MRPL12: variants seen among roughly 807,000 people sequenced by gnomAD.
MRPL12 encodes the protein large ribosomal subunit protein bL12m.
In MRPL12, 13 loss-of-function variants were observed where a neutral mutation model predicts 21.1. The observed-to-expected ratio is 0.62, with a 90% CI of 0.40 to 0.98. The LOEUF (loss-of-function observed/expected upper bound fraction) is 0.98, where lower values mean the gene tolerates loss of function less well. Among genes scored for constraint, MRPL12 ranks in the 50% least tolerant of loss-of-function variants. The pLI is 0.00. For missense variants in MRPL12, 251 were observed against 268.6 expected, an observed-to-expected ratio of 0.93 and a Z score of 0.46; for synonymous variants, 126 against 115.3, an observed-to-expected ratio of 1.09 and a Z score of -0.60.
At chr17:81,706,131 T>C (rs1036514725) in intron 3 of MRPL12, among the ~76,000 whole-genome samples, 5 of 152,142 alleles carry the variant, frequency 3.3e-5, no homozygotes, top group African/African-American at 1.2e-4. Context: ...TGCACTGCAG[T>C]GTGGCTGAGA....
chr17:81,705,552 G>A (rs889860695), intron 3 of MRPL12, among the ~76,000 whole-genome samples: 3 of 152,190 alleles, frequency 2.0e-5, no homozygotes, highest in East Asian at 1.9e-4. Context: ...GTAGAAGAGA[G>A]CACGGCCTTC....
intron 3 of MRPL12, 44 bp from the exon 4 acceptor site, chr17:81,706,862 C>T (rs747993922): frequency 6.2e-7 from 1 of 1,606,164 alleles, no homozygotes; most frequent in Non-Finnish European, 8.5e-7. Flanking sequence ...TTAGCTCCCC[C>T]CAGCCCTTTG....
chr17:81,703,698 T>TG (rs2037280313), intron 1 of MRPL12, 123 bp downstream of exon 1: 1 of 959,394 alleles, frequency 1.0e-6, no homozygotes. Flanking sequence ...AGGCCGGGCT[T>TG]GGGGGTCCCA....
chr17:81,704,336 C>T lies in MRPL12; in HGVS notation c.167C>T (p.Ala56Val). 1 of 1,613,592 alleles carries T rather than the reference C, an allele frequency of 6.2e-7. No individual in the cohort carries two copies. Among genetic ancestry groups the T allele is most frequent in the Non-Finnish European group, 8.5e-7 (1 of 1,179,926 alleles). ...EALAGAPLDN[A>V]PKEYPPKIQQ... is the part of the protein sequence containing the mutation. ...CTCGCTGGTGCACCCCTGGATAACG[C>T]CCCCAAGGAGTACCCCCCCAAGATA... Residue 56 changes from alanine (A) to valine (V), a missense_variant, in exon 2 of 5, where the codon GCC becomes GTC. Coordinates refer to ENST00000333676, the MANE Select transcript of MRPL12 (RefSeq NM_002949.4).
intron 2 of MRPL12, 77 bp downstream of exon 2, chr17:81,704,507 G>T: frequency 3.2e-6 from 5 of 1,584,804 alleles, no homozygotes; most frequent in Non-Finnish European, 4.3e-6. Context: ...TGTATTTTGG[G>T]AGTTTGGTAA....
chr17:81,704,346 G>A lies in MRPL12; in HGVS notation c.177G>A (p.Glu59=), dbSNP rs2037290552. The change falls in exon 2 of 5, where the codon GAG becomes GAA. Residue 59 remains glutamate, a synonymous_variant. Coordinates refer to ENST00000333676, the MANE Select transcript of MRPL12 (RefSeq NM_002949.4). ...AGAPLDNAPK[E]YPPKIQQLVQ... ...CACCCCTGGATAACGCCCCCAAGGA[G>A]TACCCCCCCAAGATACAGCAGCTGG... 6.2e-7 allele frequency: 1 copy of A among 1,613,518 alleles called. No individual in the cohort carries two copies. Among genetic ancestry groups the A allele is most frequent in the African/African-American group, 1.3e-5 (1 of 74,902 alleles).
chr17:81,705,414 G>A (rs1372262976), intron 3 of MRPL12, among the ~76,000 whole-genome samples: 2 of 146,110 alleles, frequency 1.4e-5, no homozygotes, highest in Admixed American at 6.8e-5. Context: ...AAAAAAAAGA[G>A]GAAAAAGAAA....
chr17:81,704,842 A>T, intron 3 of MRPL12, 126 bp downstream of exon 3: 2 of 802,046 alleles, frequency 2.5e-6, no homozygotes, highest in Non-Finnish European at 4.0e-6. Context: ...CCTGTGCGGC[A>T]TCCTGCAGCC....
At position 81,704,237 on chromosome 17, in the gene MRPL12, G is replaced by T. The variant is rs376458452; in HGVS notation, c.75-7G>T. 6.2e-7 allele frequency: 1 copy of T among 1,601,016 alleles called. No homozygotes were observed. The highest frequency in any genetic ancestry group is 8.5e-7 in the Non-Finnish European group (1 of 1,173,918). On this transcript the variant is annotated splice_region_variant and splice_polypyrimidine_tract_variant and intron_variant, in intron 1 of 4. Coordinates refer to ENST00000333676, the MANE Select transcript of MRPL12 (RefSeq NM_002949.4). ...ACAAGTCTGTTTTAATTGGGGGTGGGGGCTAGGCGACAGGTGCCATGTGTC... is the reference window on the plus strand; with the variant it reads ...ACAAGTCTGTTTTAATTGGGGGTGGTGGCTAGGCGACAGGTGCCATGTGTC...
At chr17:81,706,112 C>G (rs377529165) in intron 3 of MRPL12, among the ~76,000 whole-genome samples, 1 of 152,212 alleles carries the variant, frequency 6.6e-6, no homozygotes, top group Admixed American at 6.5e-5. Flanking sequence ...GTCATTTTCT[C>G]GGCACACGTG....
intron 3 of MRPL12, among the ~76,000 whole-genome samples, chr17:81,705,833 C>T (rs955257684): frequency 5.3e-5 from 8 of 152,180 alleles, no homozygotes; most frequent in Non-Finnish European, 1.2e-4. Context: ...GTTCCAGATG[C>T]GTGGGGTGCC....
intron 3 of MRPL12, 105 bp from the exon 4 acceptor site, chr17:81,706,801 G>T (rs1277070482): frequency 2.8e-6 from 4 of 1,414,628 alleles, no homozygotes; most frequent in South Asian, 1.4e-5. Context: ...TGGGGCCTCC[G>T]CTGCACCTCC....
Position 81,703,395 on chromosome 17 carries a change from C to T in MRPL12, c.-107C>T. 2.2e-6 allele frequency: 2 copies of T among 922,560 alleles called. No individual in the cohort carries two copies. Among genetic ancestry groups the T allele is most frequent in the Non-Finnish European group, 3.1e-6 (2 of 651,506 alleles). 57.1% of individuals were successfully genotyped at this position (922,560 alleles called of 1,614,324 possible). A position where few individuals can be genotyped will look rare whatever the true frequency, so the allele number is the denominator to read the frequency against. On this transcript the variant is annotated 5_prime_UTR_variant, in exon 1 of 5. Transcript: ENST00000333676. ...ATTTCCGGCTCGAATGCCCGGCAGCCGTGGCGGCTAGAGCGTTCCTCCCCA... is the reference window on the plus strand; with the variant it reads ...ATTTCCGGCTCGAATGCCCGGCAGCTGTGGCGGCTAGAGCGTTCCTCCCCA...
chr17:81,705,391 A>G (rs1262256072), intron 3 of MRPL12, among the ~76,000 whole-genome samples: 1 of 98,640 alleles, frequency 1.0e-5, no homozygotes, highest in Admixed American at 9.2e-5. Context: ...CCCTGTCTCA[A>G]AAAAAAAAAA....
chr17:81,705,036 G>A (rs1311590186), intron 3 of MRPL12, among the ~76,000 whole-genome samples: 8 of 151,086 alleles, frequency 5.3e-5, no homozygotes, highest in African/African-American at 1.5e-4. Flanking sequence ...GGAGTTCGAG[G>A]CCAGCCTGGC....
In MRPL12 at chr17:81,706,971, G is replaced by A. The variant is rs149365217; in HGVS notation, c.411G>A (p.Ala137=). The A allele has an allele frequency of 1.1e-4, 181 of 1,614,002 alleles. 8 individuals carry two copies. Among genetic ancestry groups the A allele is most frequent in the East Asian group, 9.6e-4 (43 of 44,898 alleles). The change falls in exon 4 of 5, where the codon GCG becomes GCA. Residue 137 remains alanine, a synonymous_variant. Transcript: ENST00000333676. ...RTHFTVRLTE[A]KPVDKVKLIK... is the part of the protein sequence containing the mutation. ...ATTTCACCGTCCGCCTGACCGAGGC[G>A]AAGCCCGTGGACAAAGTGAAGCTGA...
chr17:81,705,356 C>T (rs1228438775), intron 3 of MRPL12, among the ~76,000 whole-genome samples: 1 of 141,524 alleles, frequency 7.1e-6, no homozygotes, highest in Admixed American at 7.2e-5. Flanking sequence ...ATACTACTGC[C>T]TTCCAACTTG....
At chr17:81,703,934 C>T (rs2037283959) in intron 1 of MRPL12, among the ~76,000 whole-genome samples, 1 of 152,240 alleles carries the variant, frequency 6.6e-6, no homozygotes, top group African/African-American at 2.4e-5. Context: ...AATAGTTTCG[C>T]CACCGCTGGG....
rs764144297 is a variant in MRPL12 at position 81,704,424 on chromosome 17, C to T, written c.255C>T (p.Leu85=). ...TLLEISDLNE[L]LKKTLKIQDV... Reference sequence around the variant, plus strand: ...TGGAAATCTCAGACCTCAACGAGCTCCTGAAGGTATCGTGAGAGGGTGGCA... The same window carrying T: ...TGGAAATCTCAGACCTCAACGAGCTTCTGAAGGTATCGTGAGAGGGTGGCA... The change falls in exon 2 of 5, where the codon CTC becomes CTT. Residue 85 remains leucine, a synonymous_variant. Transcript: ENST00000333676. 3.1e-6 allele frequency: 5 copies of T among 1,611,690 alleles called. No individual in the cohort carries two copies. The highest frequency in any genetic ancestry group is 1.3e-5 in the African/African-American group (1 of 74,868).
Sources: gnomAD v4.1 joint callset for allele counts (sites outside exome capture counted in the v4.1 genomes callset) on GRCh38, gnomAD v4.1.1 for gene constraint, MANE v1.5 for transcripts, NCBI Gene and HGNC (gene_info 2026-07-23, HGNC 2026-07-21) for gene names.